FBN1: variants seen among roughly 807,000 people sequenced by gnomAD.
The protein encoded by FBN1 is fibrillin 1, also known as fibrillin-1.
A neutral mutation model predicts 365.1 loss-of-function variants in FBN1; 29 were observed. The ratio of observed to expected loss-of-function variants is 0.08; its 90% CI spans 0.06 to 0.11. The LOEUF is 0.11. FBN1 is among the 10% of genes least tolerant of loss of function. The probability of loss-of-function intolerance (pLI) is 1.00; values close to 1 mark genes in which losing one functional copy is unlikely to be tolerated. For missense variants in FBN1, 2,476 were observed against 3,703.2 expected, an observed-to-expected ratio of 0.67 and a Z score of 8.60; for synonymous variants, 1,210 against 1,270.5, an observed-to-expected ratio of 0.95 and a Z score of 1.01.
chr15:48,414,764 C>T (rs937574001), intron 64 of FBN1, among the ~76,000 whole-genome samples: 3 of 151,992 alleles, frequency 2.0e-5, no homozygotes, highest in East Asian at 1.9e-4. Context: ...GGCGTGGTGG[C>T]GGGCACCTGT....
In FBN1 at chr15:48,543,860, C is replaced by T. The variant is rs148835405; in HGVS notation, c.539-6052G>A. 5.8e-4 allele frequency among the ~76,000 whole-genome samples: 88 copies of T among 152,140 alleles called. 2 individuals are homozygous for T. The East Asian group carries it at 8.3e-3, about 14-fold the overall frequency. ...GTATTGTGGTTACATACAAGAATGTCCTTAGTGCTTAGAGGTGACGTCTCA... is the reference window on the plus strand; with the variant it reads ...GTATTGTGGTTACATACAAGAATGTTCTTAGTGCTTAGAGGTGACGTCTCA... On this transcript the variant is annotated intron_variant, in intron 6 of 65. Transcript: ENST00000316623.
In FBN1 at chr15:48,488,021, G is replaced by A. The variant is rs2043523542; in HGVS notation, c.3337+92C>T. Reference sequence around the variant, plus strand: ...TCCTAACTTCACTGGTTGCACTGGGGCAGCAGGAAGAACCTGGAACATAGG... The same window carrying A: ...TCCTAACTTCACTGGTTGCACTGGGACAGCAGGAAGAACCTGGAACATAGG... On this transcript the variant is annotated intron_variant, in intron 27 of 65. Transcript: ENST00000316623. 4 of 1,531,068 alleles carry A rather than the reference G, an allele frequency of 2.6e-6. No individual in the cohort carries two copies. The African/African-American group carries it at 4.1e-5, about 16-fold the overall frequency. 94.8% of individuals were successfully genotyped at this position (1,531,068 alleles called of 1,614,324 possible).
intron 2 of FBN1, among the ~76,000 whole-genome samples, chr15:48,626,929 T>C (rs1299057813): frequency 6.6e-6 from 1 of 152,158 alleles, no homozygotes; most frequent in Admixed American, 6.5e-5. Context: ...CCCCAAACCC[T>C]ATCAAGAAAA....
intron 36 of FBN1, among the ~76,000 whole-genome samples, chr15:48,469,093 TAAA>T (rs1566904922): frequency 7.1e-4 from 73 of 103,306 alleles, no homozygotes; most frequent in African/African-American, 2.7e-3. Flanking sequence ...TATATATATA[TAAA>T]ATATAATATA....
chr15:48,642,298 G>C (rs1023519974), intron 2 of FBN1: 5 of 152,196 alleles, frequency 3.3e-5, no homozygotes, highest in African/African-American at 1.2e-4. Context: ...AGAATCGCTT[G>C]AGCCGGGAAG....
rs886831673 is a variant in FBN1 at position 48,508,686 on chromosome 15, A to C, written c.1733T>G (p.Ile578Arg). ...CATTCCATTAAGGCACATGTTCCTT[A>C]TGCTGCATTCATCCATATCTGAAAA... ...KNCEDMDECSIRNMCLNGMCI... is the reference protein window; with the variant it reads ...KNCEDMDECSRRNMCLNGMCI... The change falls in exon 15 of 66, where the codon ATA becomes AGA. Residue 578 changes from isoleucine (I) to arginine (R), a missense_variant. Ile to Arg is a moderately conservative substitution (Grantham distance 97, BLOSUM62 -3). This residue lies in a region of FBN1 where 1,780 missense variants were observed against 2,840.8 expected (regional missense o/e 0.63). Coordinates refer to ENST00000316623, the MANE Select transcript of FBN1 (RefSeq NM_000138.5). 1 of 1,613,818 alleles carries C rather than the reference A, an allele frequency of 6.2e-7. No individual in the cohort carries two copies. The highest frequency in any genetic ancestry group is 1.6e-4 in the Middle Eastern group (1 of 6,062).
chr15:48,565,348 A>G (rs2044252258), intron 6 of FBN1, among the ~76,000 whole-genome samples: 1 of 152,204 alleles, frequency 6.6e-6, no homozygotes, highest in Non-Finnish European at 1.5e-5. Context: ...TAGAACATTC[A>G]AAAGACACAA....
At chr15:48,467,680 G>A (rs1312695599) in intron 38 of FBN1, among the ~76,000 whole-genome samples, 2 of 152,148 alleles carry the variant, frequency 1.3e-5, no homozygotes, top group African/African-American at 4.8e-5. Context: ...AAGTACCCTA[G>A]TCTGGAAAAT....
chr15:48,495,034 T>G (rs1011176236), intron 22 of FBN1, 89 bp downstream of exon 22: 1 of 1,502,382 alleles, frequency 6.7e-7, no homozygotes, highest in Non-Finnish European at 9.2e-7. Context: ...AATTCTCATG[T>G]GAGCCTAGAT....
chr15:48,485,099 A>C (rs1258366336), intron 30 of FBN1, among the ~76,000 whole-genome samples: 1 of 152,238 alleles, frequency 6.6e-6, no homozygotes, highest in Non-Finnish European at 1.5e-5. Flanking sequence ...CAAACTCTTC[A>C]AAAGTCTGGT....
intron 56 of FBN1, among the ~76,000 whole-genome samples, chr15:48,429,919 T>C (rs1423184066): frequency 6.6e-6 from 1 of 152,230 alleles, no homozygotes. Flanking sequence ...CTGTAATTAT[T>C]ATCTAAGCAG....
At chr15:48,605,287 T>C (rs1645438252) in intron 4 of FBN1, among the ~76,000 whole-genome samples, 2 of 152,060 alleles carry the variant, frequency 1.3e-5, no homozygotes, top group Admixed American at 6.6e-5. Flanking sequence ...AAAATAAAAC[T>C]ATGAAACCAT....
rs551258633 is a variant in FBN1, at chr15:48,410,453, G to T, written c.*537C>A. On this transcript the variant is annotated 3_prime_UTR_variant, in exon 66 of 66. Transcript: ENST00000316623. ...ATACTCATAACTGAGATAAGCTACT[G>T]AACTAACTTTGGTTGATTGAAATTA... 17 of 158,168 alleles carry T rather than the reference G, an allele frequency of 1.1e-4. No homozygotes were observed. Among genetic ancestry groups the T allele is most frequent in the African/African-American group, 3.8e-4 (16 of 41,582 alleles). The allele number at this position is 158,168 out of a possible 1,614,324, so 9.8% of individuals were successfully genotyped here.
Position 48,462,479 on chromosome 15 carries a change from T to C in FBN1, c.5224+603A>G, listed in dbSNP as rs76686028. Among the ~76,000 whole-genome samples the C allele has an allele frequency of 5.3e-5, 8 of 152,324 alleles. No individual in the cohort carries two copies. In the East Asian group the frequency reaches 1.5e-3, roughly 29 times the overall value. On this transcript the variant is annotated intron_variant, in intron 42 of 65. Coordinates refer to ENST00000316623, the MANE Select transcript of FBN1 (RefSeq NM_000138.5). ...TCATTTTGAGTTTTCTTTATGCTCA[T>C]TGAGAATTTTGTACTTGATCACATC... is the stretch of plus-strand genomic sequence containing the variant.
chr15:48,448,960 G>A, intron 45 of FBN1, 67 bp from the exon 46 acceptor site: 1 of 1,338,900 alleles, frequency 7.5e-7, no homozygotes, highest in Non-Finnish European at 1.1e-6. Context: ...CTTACTTCTA[G>A]CTATCATTCT....
chr15:48,463,789 C>T, intron 41 of FBN1, 110 bp downstream of exon 41: 1 of 1,230,988 alleles, frequency 8.1e-7, no homozygotes, highest in Non-Finnish European at 1.2e-6. Context: ...GAAGGGATGC[C>T]AGCACTCAGT....
chr15:48,456,839 C>CGT (rs766292110), intron 43 of FBN1, 77 bp from the exon 44 acceptor site: 10 of 999,568 alleles, frequency 1.0e-5, no homozygotes, highest in African/African-American at 3.5e-5. Context: ...ATGGAAAGTG[C>CGT]GTGCGTGTGT....
At chr15:48,494,111 T>C in intron 23 of FBN1, 93 bp downstream of exon 23, 1 of 980,520 alleles carries the variant, frequency 1.0e-6, no homozygotes, top group Non-Finnish European at 1.6e-6. Context: ...TATTTCTCCC[T>C]GTGAAGTTAT....
chr15:48,466,610 T>C (rs1400028535), intron 38 of FBN1, among the ~76,000 whole-genome samples: 1 of 152,212 alleles, frequency 6.6e-6, no homozygotes, highest in Non-Finnish European at 1.5e-5. Context: ...TGTCCAGATC[T>C]GCTAATCCCT....
Sources: gnomAD v4.1 joint callset for allele counts (sites outside exome capture counted in the v4.1 genomes callset) on GRCh38, gnomAD v4.1.1 for gene constraint, gnomAD v4.1.1 regional missense constraint, MANE v1.5 for transcripts, NCBI Gene and HGNC (gene_info 2026-07-23, HGNC 2026-07-21) for gene names.